Variants in VPS13D observed in about 807,000 individuals in gnomAD.
VPS13D encodes intermembrane lipid transfer protein VPS13D.
A neutral mutation model predicts 461.9 loss-of-function variants in VPS13D; 187 were observed. The ratio of observed to expected loss-of-function variants is 0.40; its 90% CI spans 0.36 to 0.46. The LOEUF is 0.46. Among genes scored for constraint, VPS13D ranks in the 20% least tolerant of loss-of-function variants. The pLI, the probability that VPS13D is intolerant of heterozygous loss-of-function variation, is 0.60. For synonymous variants in VPS13D, 1,951 were observed against 1,986.3 expected (o/e 0.98, Z 0.47); for missense variants, 4,711 against 5,364.9 (o/e 0.88, Z 3.81).
intron 6 of VPS13D, among the ~76,000 whole-genome samples, chr1:12,250,457 G>A (rs1170251319): frequency 6.6e-6 from 1 of 152,196 alleles, no homozygotes; most frequent in African/African-American, 2.4e-5. Flanking sequence ...CAGGGAAAAA[G>A]ACCAAATATA....
At chr1:12,498,999 G>A (rs1312234093) in intron 68 of VPS13D, among the ~76,000 whole-genome samples, 1 of 152,152 alleles carries the variant, frequency 6.6e-6, no homozygotes, top group Admixed American at 6.5e-5. Context: ...AGGTTCTGCC[G>A]TTTCAGTCCA....
At chr1:12,420,921 CT>C (rs770342517) in intron 65 of VPS13D, among the ~76,000 whole-genome samples, 18 of 152,174 alleles carry the variant, frequency 1.2e-4, no homozygotes, top group Admixed American at 2.6e-4. Context: ...GTTTAGTCAT[CT>C]GTGGATAGAT....
intron 67 of VPS13D, among the ~76,000 whole-genome samples, chr1:12,489,536 T>C (rs1214497035): frequency 6.6e-6 from 1 of 152,060 alleles, no homozygotes; most frequent in African/African-American, 2.4e-5. Context: ...TAGGGAGAGG[T>C]AAGTAGAATG....
chr1:12,328,964 G>T (rs1343956077), intron 36 of VPS13D, among the ~76,000 whole-genome samples: 1 of 152,160 alleles, frequency 6.6e-6, no homozygotes, highest in Admixed American at 6.5e-5. Context: ...CTTGAATCTG[G>T]CCTCTTGCAC....
intron 36 of VPS13D, among the ~76,000 whole-genome samples, chr1:12,329,294 A>G (rs557071713): frequency 6.6e-6 from 1 of 151,684 alleles, no homozygotes; most frequent in Non-Finnish European, 1.5e-5. Context: ...GCTCACTGCA[A>G]CCTCCGCCTC....
At chr1:12,297,403 AC>A (rs1445536719) in intron 24 of VPS13D, among the ~76,000 whole-genome samples, 3 of 152,160 alleles carry the variant, frequency 2.0e-5, no homozygotes, top group Non-Finnish European at 2.9e-5. Context: ...TATATTTGTT[AC>A]ACTTCTTCAT....
intron 20 of VPS13D, among the ~76,000 whole-genome samples, chr1:12,280,900 G>C (rs1368091533): frequency 1.3e-5 from 2 of 151,814 alleles, no homozygotes; most frequent in African/African-American, 4.8e-5. Context: ...ATAATTATTT[G>C]AATTCTTTAA....
At chr1:12,259,805 A>T (rs1220851407) in intron 10 of VPS13D, among the ~76,000 whole-genome samples, 1 of 152,188 alleles carries the variant, frequency 6.6e-6, no homozygotes, top group Admixed American at 6.5e-5. Context: ...GAAACAAGTG[A>T]AAATGACCAC....
chr1:12,438,137 T>G (rs553969740), intron 65 of VPS13D, among the ~76,000 whole-genome samples: 7 of 152,306 alleles, frequency 4.6e-5, no homozygotes, highest in African/African-American at 1.7e-4. Context: ...GAGTCTCTGT[T>G]ATAGGACTTA....
intron 31 of VPS13D, 129 bp from the exon 32 acceptor site, chr1:12,319,368 C>G: frequency 7.6e-7 from 1 of 1,315,942 alleles, no homozygotes; most frequent in Non-Finnish European, 1.1e-6. Flanking sequence ...TGTCAGCAGA[C>G]ATTTTGGAGA....
intron 63 of VPS13D, among the ~76,000 whole-genome samples, chr1:12,404,642 C>T (rs1644626677): frequency 6.6e-6 from 1 of 152,126 alleles, no homozygotes; most frequent in African/African-American, 2.4e-5. Context: ...CTGTCTGACT[C>T]TAAAGTCTAT....
chr1:12,357,666 G>A (rs775138681), intron 49 of VPS13D, among the ~76,000 whole-genome samples: 3 of 152,144 alleles, frequency 2.0e-5, no homozygotes, highest in Admixed American at 6.5e-5. Context: ...TTATGTTGTC[G>A]AAATCCATGA....
intron 53 of VPS13D, among the ~76,000 whole-genome samples, chr1:12,368,904 C>T (rs1175603324): frequency 1.3e-5 from 2 of 152,124 alleles, no homozygotes; most frequent in Admixed American, 6.5e-5. Flanking sequence ...AGGAAGACAT[C>T]GGCTTGTCAG....
intron 67 of VPS13D, among the ~76,000 whole-genome samples, chr1:12,470,413 G>A (rs1055230337): frequency 2.6e-5 from 4 of 152,204 alleles, no homozygotes; most frequent in Non-Finnish European, 5.9e-5. Flanking sequence ...CACATGTGAA[G>A]TGCTTTTCTA....
At chr1:12,390,769 G>C (rs1644414188) in intron 60 of VPS13D, among the ~76,000 whole-genome samples, 1 of 152,166 alleles carries the variant, frequency 6.6e-6, no homozygotes, top group Non-Finnish European at 1.5e-5. Flanking sequence ...CTGTAGACAG[G>C]GCAGCCTTGG....
At chr1:12,309,991 T>C (rs1346151952) in intron 27 of VPS13D, among the ~76,000 whole-genome samples, 1 of 152,138 alleles carries the variant, frequency 6.6e-6, no homozygotes, top group Non-Finnish European at 1.5e-5. Context: ...TGTTCAGTTA[T>C]GGTTGGCATG....
intron 25 of VPS13D, 38 bp from the exon 26 acceptor site, chr1:12,304,468 C>T (rs1468878749): frequency 1.9e-6 from 3 of 1,566,410 alleles, no homozygotes; most frequent in South Asian, 2.3e-5. Flanking sequence ...GCCCCCTTCC[C>T]ATTTCCTGCA....
intron 67 of VPS13D, among the ~76,000 whole-genome samples, chr1:12,487,305 G>A (rs1247098209): frequency 1.3e-5 from 2 of 152,072 alleles, no homozygotes; most frequent in African/African-American, 2.4e-5. Context: ...TGAACAGGCG[G>A]TCTTGAAAAA....
At chr1:12,301,221 A>G (rs958924897) in intron 25 of VPS13D, among the ~76,000 whole-genome samples, 2 of 152,204 alleles carry the variant, frequency 1.3e-5, no homozygotes, top group Non-Finnish European at 2.9e-5. Context: ...GACTGTGCAG[A>G]TACCAACTTG....
Sources: gnomAD v4.1 joint callset for allele counts (sites outside exome capture counted in the v4.1 genomes callset) on GRCh38, gnomAD v4.1.1 for gene constraint, MANE v1.5 for transcripts, NCBI Gene and HGNC (gene_info 2026-07-23, HGNC 2026-07-21) for gene names.